ZFPM2: variants seen among roughly 807,000 people sequenced by gnomAD.
ZFPM2 encodes the protein zinc finger protein ZFPM2.
A neutral mutation model predicts 98.6 loss-of-function variants in ZFPM2; 20 were observed. The ratio of observed to expected loss-of-function variants is 0.20; its 90% CI spans 0.14 to 0.29. ZFPM2 has a LOEUF of 0.29. Among genes scored for constraint, ZFPM2 ranks in the 10% least tolerant of loss-of-function variants. The pLI is 1.00. For missense variants in ZFPM2, 1,310 were observed against 1,388.6 expected (o/e 0.94, Z 0.90); for synonymous variants, 518 against 502.7 (o/e 1.03, Z -0.41).
intron 3 of ZFPM2, among the ~76,000 whole-genome samples, chr8:105,507,910 C>T (rs766442417): frequency 4.6e-5 from 7 of 151,990 alleles, no homozygotes; most frequent in Non-Finnish European, 5.9e-5. Flanking sequence ...GTCTTTCAGC[C>T]GTGGTGGAAA....
At position 105,802,310 on chromosome 8, in the gene ZFPM2, A is replaced by AGAT. The variant is rs1280683012; in HGVS notation, c.2230_2232dup (p.Met744dup). The stretch of plus-strand genomic sequence containing the variant: ...ACACGCAAGCGCAGAAAGATGTATG[A>AGAT]GATGTGCCTACCTGAGCAGGAACAA... On this transcript the variant is annotated inframe_insertion, in exon 8 of 8. Transcript: ENST00000407775. 6.2e-7 allele frequency: 1 copy of AGAT among 1,613,826 alleles called. No individual in the cohort carries two copies. Among genetic ancestry groups the AGAT allele is most frequent in the Non-Finnish European group, 8.5e-7 (1 of 1,179,828 alleles).
At chr8:105,707,678 C>A (rs1268280320) in intron 5 of ZFPM2, among the ~76,000 whole-genome samples, 1 of 152,144 alleles carries the variant, frequency 6.6e-6, no homozygotes, top group East Asian at 1.9e-4. Flanking sequence ...AATACTGTGT[C>A]AGGAAGCACA....
intron 1 of ZFPM2, among the ~76,000 whole-genome samples, chr8:105,372,402 T>C (rs1030877499): frequency 6.6e-6 from 1 of 152,180 alleles, no homozygotes; most frequent in Non-Finnish European, 1.5e-5. Context: ...TAGCAATTTG[T>C]AATTCTAAGC....
chr8:105,659,446 C>A (rs1817347514), intron 5 of ZFPM2, among the ~76,000 whole-genome samples: 1 of 152,158 alleles, frequency 6.6e-6, no homozygotes, highest in Non-Finnish European at 1.5e-5. Context: ...TGCTGGTTTT[C>A]TGGCCAGCCA....
intron 2 of ZFPM2, among the ~76,000 whole-genome samples, chr8:105,420,557 A>G (rs543483189): frequency 1.3e-5 from 2 of 152,294 alleles, no homozygotes; most frequent in African/African-American, 4.8e-5. Context: ...TGTCTCCTAC[A>G]TCAGAGATTT....
intron 2 of ZFPM2, among the ~76,000 whole-genome samples, chr8:105,427,442 C>T (rs558533752): frequency 6.6e-6 from 1 of 152,248 alleles, no homozygotes; most frequent in South Asian, 2.1e-4. Flanking sequence ...CAACAGATCT[C>T]AACTGTGCAG....
chr8:105,757,339 A>C (rs1812626825), intron 5 of ZFPM2, among the ~76,000 whole-genome samples: 1 of 152,326 alleles, frequency 6.6e-6, no homozygotes, highest in African/African-American at 2.4e-5. Flanking sequence ...TTTAAAAGAT[A>C]TATTTTTAAA....
intron 3 of ZFPM2, among the ~76,000 whole-genome samples, chr8:105,523,850 G>T (rs1240779093): frequency 6.6e-6 from 1 of 152,152 alleles, no homozygotes. Context: ...TGAGAGTAAT[G>T]ATGTTCAGGC....
At chr8:105,702,199 G>A (rs1276532446) in intron 5 of ZFPM2, among the ~76,000 whole-genome samples, 1 of 152,146 alleles carries the variant, frequency 6.6e-6, no homozygotes, top group African/African-American at 2.4e-5. Context: ...TGTTTTTCAA[G>A]AACAAGCAGG....
chr8:105,675,319 G>C (rs1183354856), intron 5 of ZFPM2, among the ~76,000 whole-genome samples: 1 of 152,096 alleles, frequency 6.6e-6, no homozygotes, highest in Non-Finnish European at 1.5e-5. Context: ...TTTCTTCTGA[G>C]AATTTGACCA....
intron 3 of ZFPM2, among the ~76,000 whole-genome samples, chr8:105,459,985 G>A (rs910416843): frequency 2.6e-5 from 4 of 152,048 alleles, no homozygotes; most frequent in African/African-American, 9.7e-5. Flanking sequence ...TAAGAGAGAG[G>A]GCTGCTTCCC....
chr8:105,474,247 G>A (rs904645811), intron 3 of ZFPM2, among the ~76,000 whole-genome samples: 1 of 152,112 alleles, frequency 6.6e-6, no homozygotes, highest in African/African-American at 2.4e-5. Flanking sequence ...ATGTACAATG[G>A]GAATGTATTA....
chr8:105,516,292 C>T (rs1813920589), intron 3 of ZFPM2, among the ~76,000 whole-genome samples: 2 of 152,092 alleles, frequency 1.3e-5, no homozygotes, highest in Admixed American at 6.6e-5. Flanking sequence ...AGCAGGCAGT[C>T]AATTTGTCTT....
chr8:105,339,814 A>T (rs752542629), intron 1 of ZFPM2, among the ~76,000 whole-genome samples: 3 of 151,906 alleles, frequency 2.0e-5, no homozygotes, highest in African/African-American at 7.2e-5. Flanking sequence ...CTTTAATTTA[A>T]TTTTTAAAAA....
chr8:105,463,564 T>C (rs1812742042), intron 3 of ZFPM2, among the ~76,000 whole-genome samples: 1 of 152,078 alleles, frequency 6.6e-6, no homozygotes, highest in African/African-American at 2.4e-5. Context: ...CAGGACAACA[T>C]GTTTATTCAT....
intron 1 of ZFPM2, among the ~76,000 whole-genome samples, chr8:105,348,452 G>T (rs1178548734): frequency 6.6e-6 from 1 of 152,100 alleles, no homozygotes. Context: ...CAATGTGTTT[G>T]TTTCTCTATG....
At chr8:105,450,199 T>A (rs1812458044) in intron 3 of ZFPM2, among the ~76,000 whole-genome samples, 1 of 152,134 alleles carries the variant, frequency 6.6e-6, no homozygotes, top group African/African-American at 2.4e-5. Context: ...TTCTGCTTTG[T>A]ACTTTAAACT....
intron 5 of ZFPM2, among the ~76,000 whole-genome samples, chr8:105,647,562 G>A (rs1237166765): frequency 7.1e-6 from 1 of 141,170 alleles, no homozygotes; most frequent in Non-Finnish European, 1.5e-5. Flanking sequence ...AGTGTGTGAT[G>A]TTCCCCACCC....
chr8:105,651,544 C>A (rs1209651940), intron 5 of ZFPM2, among the ~76,000 whole-genome samples: 1 of 151,734 alleles, frequency 6.6e-6, no homozygotes, highest in African/African-American at 2.4e-5. Flanking sequence ...TGCCTGATAA[C>A]CTTCTCACCA....
Sources: gnomAD v4.1 joint callset for allele counts (sites outside exome capture counted in the v4.1 genomes callset) on GRCh38, gnomAD v4.1.1 for gene constraint, MANE v1.5 for transcripts, NCBI Gene and HGNC (gene_info 2026-07-23, HGNC 2026-07-21) for gene names.